The following HKDC1 variants were observed in gnomAD, a reference collection of about 807,000 sequenced individuals.
The protein encoded by HKDC1 is hexokinase domain containing 1.
A neutral mutation model predicts 96.6 loss-of-function variants in HKDC1; 66 were observed. That is an observed-to-expected ratio of 0.68 (90% CI 0.56 to 0.84). The LOEUF (loss-of-function observed/expected upper bound fraction) is 0.84. Ranked by LOEUF, HKDC1 falls within the 40% of genes least tolerant of loss-of-function variation. The probability of loss-of-function intolerance (pLI) is 0.00; values close to 1 mark genes in which losing one functional copy is unlikely to be tolerated. For synonymous variants in HKDC1, 466 were observed against 473.1 expected, an observed-to-expected ratio of 0.98 and a Z score of 0.20; for missense variants, 1,211 against 1,208.1, an observed-to-expected ratio of 1.00 and a Z score of -0.04.
At chr10:69,238,214 G>A (rs963601264) in intron 4 of HKDC1, among the ~76,000 whole-genome samples, 1 of 152,218 alleles carries the variant, frequency 6.6e-6, no homozygotes, top group African/African-American at 2.4e-5. Context: ...AAGTAGCTGG[G>A]ACTACAGGTA....
At position 69,243,162 on chromosome 10, in the gene HKDC1, C is replaced by G. The variant is rs1295559424; in HGVS notation, c.692-20C>G. 1 of 1,613,736 alleles carries G rather than the reference C, an allele frequency of 6.2e-7. No individual in the cohort carries two copies. Among genetic ancestry groups the G allele is most frequent in the South Asian group, 1.1e-5 (1 of 91,056 alleles). ...GCTGGGAGTCCTCTCTCTGCATATT[C>G]TCTCTGATCCCTGGTTCAGGAACTG... is the stretch of plus-strand genomic sequence containing the variant. On this transcript the variant is annotated intron_variant, in intron 6 of 17. Transcript: ENST00000354624.
chr10:69,250,693 T>G (rs754854347), intron 12 of HKDC1, 41 bp downstream of exon 12: 3 of 1,606,832 alleles, frequency 1.9e-6, no homozygotes, highest in Non-Finnish European at 2.5e-6. Context: ...CCCAGTGGGC[T>G]TCCTTCCTCT....
Position 69,248,436 on chromosome 10 carries a change from C to T in HKDC1, c.1278C>T (p.Arg426=), listed in dbSNP as rs1314360207. Residue 426 remains arginine (R), a synonymous_variant, in exon 10 of 18, where the codon CGC becomes CGT. Transcript: ENST00000354624. ...LYKIHPQYPK[R]LHKVVRKLVP... is the part of the protein sequence containing the mutation. ...ACCCCTGCTTCAGGTACCCAAAACGCCTGCACAAGGTGGTGAGGAAACTGG... is the reference window on the plus strand; with the variant it reads ...ACCCCTGCTTCAGGTACCCAAAACGTCTGCACAAGGTGGTGAGGAAACTGG... The T allele has an allele frequency of 1.3e-6, 2 of 1,559,900 alleles. No individual in the cohort carries two copies. Among genetic ancestry groups the T allele is most frequent in the Non-Finnish European group, 1.7e-6 (2 of 1,150,746 alleles).
Position 69,250,423 on chromosome 10 carries a change from C to T in HKDC1, c.1704C>T (p.Gly568=). ...CCATCCCCCTGGAGATCATGCAGGG[C>T]ACTGGTGAGGAGGTAAGTGCCAGGC... ...IFAIPLEIMQ[G]TGEELFDHIV... The change falls in exon 11 of 18, where the codon GGC becomes GGT. Residue 568 remains glycine, a synonymous_variant. Coordinates refer to ENST00000354624, the MANE Select transcript of HKDC1 (RefSeq NM_025130.4). 1 of 1,613,424 alleles carries T rather than the reference C, an allele frequency of 6.2e-7. No individual in the cohort carries two copies. The highest frequency in any genetic ancestry group is 8.5e-7 in the Non-Finnish European group (1 of 1,179,448).
At position 69,227,338 on chromosome 10, in the gene HKDC1, C is replaced by A; in HGVS notation, c.195C>A (p.Pro65=). The part of the protein sequence containing the change: ...TNPTAAVKML[P]TFVRAIPDGS... Reference sequence around the variant, plus strand: ...CCACGGCTGCAGTGAAGATGTTGCCCACCTTCGTCAGGGCCATTCCCGATG... The same window carrying A: ...CCACGGCTGCAGTGAAGATGTTGCCAACCTTCGTCAGGGCCATTCCCGATG... Residue 65 remains proline, a synonymous_variant, in exon 2 of 18, where the codon CCC becomes CCA. Transcript: ENST00000354624. 1 of 1,614,210 alleles carries A rather than the reference C, an allele frequency of 6.2e-7. No individual in the cohort carries two copies. The highest frequency in any genetic ancestry group is 8.5e-7 in the Non-Finnish European group (1 of 1,180,034).
At chr10:69,261,439 C>A in intron 16 of HKDC1, 145 bp downstream of exon 16, 1 of 685,122 alleles carries the variant, frequency 1.5e-6, no homozygotes. Flanking sequence ...TCTTCTCTTT[C>A]CAACTGATTC....
chr10:69,263,010 G>T (rs1843832943), intron 16 of HKDC1, among the ~76,000 whole-genome samples: 1 of 151,964 alleles, frequency 6.6e-6, no homozygotes, highest in Non-Finnish European at 1.5e-5. Context: ...ATTTGCTTCT[G>T]CTGCACAAGA....
chr10:69,230,064 G>A (rs1843227190), intron 2 of HKDC1, among the ~76,000 whole-genome samples: 1 of 152,162 alleles, frequency 6.6e-6, no homozygotes, highest in Non-Finnish European at 1.5e-5. Context: ...TCCTGAGTTT[G>A]CCTACTCCCA....
At position 69,253,262 on chromosome 10, in the gene HKDC1, A is replaced by G. The variant is rs1461169438; in HGVS notation, c.1836+2610A>G. On this transcript the variant is annotated intron_variant, in intron 12 of 17. Coordinates refer to ENST00000354624, the MANE Select transcript of HKDC1 (RefSeq NM_025130.4). ...GCCTGGAGCTGACAGTGGGTGAGTGAGGCTGGGCCTTTGCATGAGGCTGGG... is the reference window on the plus strand; with the variant it reads ...GCCTGGAGCTGACAGTGGGTGAGTGGGGCTGGGCCTTTGCATGAGGCTGGG... Among the ~76,000 whole-genome samples the G allele has an allele frequency of 2.6e-5, 4 of 152,246 alleles. No homozygotes were observed. In the East Asian group the frequency reaches 7.7e-4, roughly 29 times the overall value.
At chr10:69,250,483 C>G (rs1385333593) in intron 11 of HKDC1, 48 bp downstream of exon 11, 1 of 1,612,560 alleles carries the variant, frequency 6.2e-7, no homozygotes. Context: ...AGCCTGCCAC[C>G]CTGCATCGAT....
chr10:69,248,190 T>C (rs1322317824), intron 9 of HKDC1, among the ~76,000 whole-genome samples: 2 of 145,230 alleles, frequency 1.4e-5, no homozygotes, highest in Admixed American at 1.4e-4. Flanking sequence ...CACAGACTGG[T>C]TGAAATGTTC....
rs759352508 is a variant in HKDC1, at chr10:69,247,322, G to A, written c.1032-38G>A. The A allele has an allele frequency of 5.7e-6, 8 of 1,399,708 alleles. No homozygotes were observed. In the South Asian group the frequency reaches 9.2e-5, roughly 16 times the overall value. The allele number at this position is 1,399,708 out of a possible 1,614,324, so 86.7% of individuals were successfully genotyped here. ...TCCCCCAGGAGGATACCAGTGGGATGGAGAAGTGTCGTTCACTCATTCCTG... is the reference window on the plus strand; with the variant it reads ...TCCCCCAGGAGGATACCAGTGGGATAGAGAAGTGTCGTTCACTCATTCCTG... On this transcript the variant is annotated intron_variant, in intron 8 of 17. Coordinates refer to ENST00000354624, the MANE Select transcript of HKDC1 (RefSeq NM_025130.4).
At position 69,246,215 on chromosome 10, in the gene HKDC1, C is replaced by A. The variant is rs778490547; in HGVS notation, c.1012C>A (p.His338Asn). 7 of 1,614,002 alleles carry A rather than the reference C, an allele frequency of 4.3e-6. No individual in the cohort carries two copies. The South Asian group carries it at 7.7e-5, about 18-fold the overall frequency. The part of the protein sequence containing the change: ...LHTKGKIETR[H>N]VAAMEKYKEG... ...CACTAAGGGCAAGATCGAAACACGG[C>A]ACGTGGCTGCCATGGAGAAGTAAGC... is the stretch of plus-strand genomic sequence containing the variant. Residue 338 changes from histidine to asparagine, a missense_variant, in exon 8 of 18, where the codon CAC (histidine) becomes AAC (asparagine). Physicochemically the swap from His to Asn is moderately conservative, Grantham distance 68 (BLOSUM62 1). Transcript: ENST00000354624.
intron 14 of HKDC1, among the ~76,000 whole-genome samples, 159 bp downstream of exon 14, chr10:69,257,585 T>C (rs912017546): frequency 6.6e-6 from 1 of 152,212 alleles, no homozygotes; most frequent in Non-Finnish European, 1.5e-5. Context: ...AAGTTCTTTC[T>C]GCATTAAGAG....
intron 10 of HKDC1, chr10:69,248,933 A>C: frequency 1.8e-6 from 1 of 565,734 alleles, no homozygotes. Context: ...CAAATAAACA[A>C]ACAAAAACAC....
At chr10:69,257,685 T>TGGG (rs35748446) in intron 14 of HKDC1, among the ~76,000 whole-genome samples, 6 of 150,550 alleles carry the variant, frequency 4.0e-5, no homozygotes, top group African/African-American at 1.5e-4. Context: ...CCAATTGTCA[T>TGGG]GGGGGGGGGA....
intron 5 of HKDC1, among the ~76,000 whole-genome samples, chr10:69,240,133 A>G (rs1046209412): frequency 6.6e-6 from 1 of 152,010 alleles, no homozygotes; most frequent in Admixed American, 6.6e-5. Flanking sequence ...GCTTTCCTCA[A>G]TGTCTTCCCA....
chr10:69,246,205 C>T lies in HKDC1; in HGVS notation c.1002C>T (p.Ile334=), dbSNP rs144214911. 206 of 1,614,104 alleles carry T rather than the reference C, an allele frequency of 1.3e-4. 3 individuals are homozygous for T. The East Asian group carries it at 2.8e-3, about 22-fold the overall frequency. ...KSSALHTKGK[I]ETRHVAAMEK... Reference sequence around the variant, plus strand: ...CTGCTCTCCACACTAAGGGCAAGATCGAAACACGGCACGTGGCTGCCATGG... The same window carrying T: ...CTGCTCTCCACACTAAGGGCAAGATTGAAACACGGCACGTGGCTGCCATGG... The change falls in exon 8 of 18, where the codon ATC becomes ATT. Residue 334 remains isoleucine (I), a synonymous_variant. Coordinates refer to ENST00000354624, the MANE Select transcript of HKDC1 (RefSeq NM_025130.4).
intron 6 of HKDC1, among the ~76,000 whole-genome samples, chr10:69,242,426 G>GAA (rs1294586012): frequency 0.029 from 881 of 30,030 alleles, 7 homozygotes; most frequent in African/African-American, 0.038. Flanking sequence ...GGAAGATACT[G>GAA]AAGAAAAAAA....
Sources: gnomAD v4.1 joint callset for allele counts (sites outside exome capture counted in the v4.1 genomes callset) on GRCh38, gnomAD v4.1.1 for gene constraint, MANE v1.5 for transcripts, NCBI Gene and HGNC (gene_info 2026-07-23, HGNC 2026-07-21) for gene names.